KDM2B: variants seen among roughly 807,000 people sequenced by gnomAD.
The protein encoded by KDM2B is lysine-specific demethylase 2B.
KDM2B carries 26 observed loss-of-function variants against 150.0 expected under a neutral mutation model. The ratio of observed to expected loss-of-function variants is 0.17; its 90% CI spans 0.13 to 0.24. The LOEUF is 0.24. Among genes scored for constraint, KDM2B ranks in the 10% least tolerant of loss-of-function variants. The pLI, the probability that KDM2B is intolerant of heterozygous loss-of-function variation, is 1.00. For synonymous variants in KDM2B, 734 were observed against 729.5 expected (o/e 1.01, Z -0.10); for missense variants, 1,265 against 1,816.9 (o/e 0.70, Z 5.52).
chr12:121,526,337 A>G (rs1350203468), intron 8 of KDM2B, among the ~76,000 whole-genome samples: 2 of 152,044 alleles, frequency 1.3e-5, no homozygotes, highest in African/African-American at 2.4e-5. Flanking sequence ...TGGGTGACAG[A>G]GCAAGACTCT....
intron 11 of KDM2B, among the ~76,000 whole-genome samples, chr12:121,508,976 GC>G (rs1407534883): frequency 6.6e-6 from 1 of 152,192 alleles, no homozygotes; most frequent in Non-Finnish European, 1.5e-5. Context: ...TGTCACACCT[GC>G]TGGTGGGGAC....
Position 121,549,787 on chromosome 12 carries a change from C to G in KDM2B, c.398-149G>C. The G allele has an allele frequency of 1.5e-6, 1 of 674,686 alleles. No individual in the cohort carries two copies. Among genetic ancestry groups the G allele is most frequent in the Non-Finnish European group, 2.3e-6 (1 of 429,718 alleles). 41.8% of individuals were successfully genotyped at this position (674,686 alleles called of 1,614,324 possible). On this transcript the variant is annotated intron_variant, in intron 4 of 22. Coordinates refer to ENST00000377071, the MANE Select transcript of KDM2B (RefSeq NM_032590.5). The surrounding 1 kb of genome is among the most constrained non-coding windows in gnomAD (Gnocchi z 4.4). The stretch of plus-strand genomic sequence containing the variant: ...CATCTGTTCAATTACCTCACCCCAT[C>G]GGCTTTCCTTCTGGGATCTGTCTCC...
In KDM2B at chr12:121,443,719, G is replaced by A. The variant is rs782713069; in HGVS notation, c.2526C>T (p.Ser842=). ...AAGTGAGACTGGATCTCCACCAGGG[G>A]CTGAGGCTGCTGCCTAGAGGGGGCC... is the stretch of plus-strand genomic sequence containing the variant. The part of the protein sequence containing the change: ...SPRPPLGSSL[S]PWWRSSLTYF... The change falls in exon 17 of 23, where the codon AGC becomes AGT. Residue 842 remains serine, a synonymous_variant. Coordinates refer to ENST00000377071, the MANE Select transcript of KDM2B (RefSeq NM_032590.5). 3 of 1,611,812 alleles carry A rather than the reference G, an allele frequency of 1.9e-6. No homozygotes were observed. Among genetic ancestry groups the A allele is most frequent in the Admixed American group, 3.3e-5 (2 of 60,022 alleles).
intron 6 of KDM2B, chr12:121,534,796 G>A: frequency 1.9e-6 from 1 of 539,720 alleles, no homozygotes; most frequent in East Asian, 3.2e-5. Context: ...CTCAAGCACT[G>A]GTCGCCTACC....
At chr12:121,546,266 C>T (rs565619077) in intron 6 of KDM2B, among the ~76,000 whole-genome samples, 1 of 151,962 alleles carries the variant, frequency 6.6e-6, no homozygotes, top group African/African-American at 2.4e-5. Context: ...GAACCATCAT[C>T]TCAATCAATC....
At position 121,516,628 on chromosome 12, in the gene KDM2B, C is replaced by T. The variant is rs372462372; in HGVS notation, c.1048-3226G>A. 5.7e-6 allele frequency: 5 copies of T among 870,522 alleles called. No homozygotes were observed. The African/African-American group carries it at 8.5e-5, about 15-fold the overall frequency. The allele number at this position is 870,522 out of a possible 1,614,324, so 53.9% of individuals were successfully genotyped here. On this transcript the variant is annotated intron_variant, in intron 9 of 22. Transcript: ENST00000377071. ...TCCAAAACAAAAGGCAAGGCAGTCACAAGGCATGCAATGCTCCCAGCCTGC... is the reference window on the plus strand; with the variant it reads ...TCCAAAACAAAAGGCAAGGCAGTCATAAGGCATGCAATGCTCCCAGCCTGC...
intron 4 of KDM2B, among the ~76,000 whole-genome samples, chr12:121,554,517 T>C (rs1440063541): frequency 1.3e-5 from 2 of 151,982 alleles, no homozygotes; most frequent in Non-Finnish European, 2.9e-5. Flanking sequence ...TTCAAGCGAT[T>C]CTCCTGCCTC....
chr12:121,442,816 G>C lies in KDM2B; in HGVS notation c.2625C>G (p.Ala875=). 2.6e-6 allele frequency: 4 copies of C among 1,524,444 alleles called. No individual in the cohort carries two copies. The highest frequency in any genetic ancestry group is 3.5e-6 in the Non-Finnish European group (4 of 1,141,796). The allele number at this position is 1,524,444 out of a possible 1,614,324, so 94.4% of individuals were successfully genotyped here. ...FRKKRRSWKN[A]EDRMALANKP... Reference sequence around the variant, plus strand: ...TGTTGGCCAGCGCCATGCGGTCCTCGGCGTTCTTCCAGGACCGCCGCTGAG... The same window carrying C: ...TGTTGGCCAGCGCCATGCGGTCCTCCGCGTTCTTCCAGGACCGCCGCTGAG... The change falls in exon 19 of 23, where the codon GCC becomes GCG. Residue 875 remains alanine, a synonymous_variant. Transcript: ENST00000377071. The surrounding 1 kb of genome is among the most constrained non-coding windows in gnomAD (Gnocchi z 7.7).
At chr12:121,522,626 T>C (rs1284266570) in intron 8 of KDM2B, among the ~76,000 whole-genome samples, 1 of 151,850 alleles carries the variant, frequency 6.6e-6, no homozygotes, top group Non-Finnish European at 1.5e-5. Flanking sequence ...GGCGGGAGGA[T>C]CACCTGAAGT....
chr12:121,420,490 G>T, the KDM2B span: 3 of 1,575,602 alleles, frequency 1.9e-6, no homozygotes, highest in South Asian at 2.2e-5. Flanking sequence ...GAGATGGCTG[G>T]GAGAATATTC....
rs1464441700 is a variant in KDM2B, at chr12:121,467,465, C to A, written c.1735-14121G>T. 1 of 600,640 alleles carries A rather than the reference C, an allele frequency of 1.7e-6. No homozygotes were observed. Among genetic ancestry groups the A allele is most frequent in the African/African-American group, 2.0e-5 (1 of 49,288 alleles). The allele number at this position is 600,640 out of a possible 1,614,324, so 37.2% of individuals were successfully genotyped here. On this transcript the variant is annotated intron_variant, in intron 12 of 22. Transcript: ENST00000377071. The surrounding 1 kb of genome is among the most constrained non-coding windows in gnomAD (Gnocchi z 5.1). The stretch of plus-strand genomic sequence containing the variant: ...GCCAGGAAGGGGCTGGCCCCCCGGG[C>A]GGGCGGGCCAATGGCGCGGCCGCGG...
chr12:121,422,664 T>G, the KDM2B span, among the ~76,000 whole-genome samples: 16 of 152,250 alleles, frequency 1.1e-4, no homozygotes, highest in Admixed American at 9.2e-4. Flanking sequence ...TGATCTCCTC[T>G]GACCTGTAGA....
downstream of KDM2B, among the ~76,000 whole-genome samples, chr12:121,425,289 C>T (rs1186098775): frequency 1.4e-5 from 2 of 144,256 alleles, no homozygotes; most frequent in Non-Finnish European, 3.0e-5. Context: ...GGCTGGGCGA[C>T]GAGCGAAACT....
At position 121,440,808 on chromosome 12, in the gene KDM2B, C is replaced by A; in HGVS notation, c.3610+8G>T. 1.9e-6 allele frequency: 3 copies of A among 1,600,096 alleles called. No homozygotes were observed. Among genetic ancestry groups the A allele is most frequent in the Non-Finnish European group, 2.6e-6 (3 of 1,172,890 alleles). ...ACCCCCACAGAAACCCCCAGCCTGGCAACTCACCTGGCCTGTTGTCTGTGG... is the reference window on the plus strand; with the variant it reads ...ACCCCCACAGAAACCCCCAGCCTGGAAACTCACCTGGCCTGTTGTCTGTGG... On this transcript the variant is annotated splice_region_variant and intron_variant, in intron 21 of 22. Coordinates refer to ENST00000377071, the MANE Select transcript of KDM2B (RefSeq NM_032590.5).
At chr12:121,500,186 G>T (rs1884399369) in intron 11 of KDM2B, among the ~76,000 whole-genome samples, 1 of 152,088 alleles carries the variant, frequency 6.6e-6, no homozygotes. Context: ...AGGTTGTGCT[G>T]GAGGGAATCA....
chr12:121,423,394 C>T, the KDM2B span: 17 of 1,603,390 alleles, frequency 1.1e-5, no homozygotes, highest in Admixed American at 5.1e-5. The surrounding 1 kb of genome is among the most constrained non-coding windows in gnomAD (Gnocchi z 4.3). Context: ...AGATGGCGAG[C>T]GGCTGCAGCT....
intron 4 of KDM2B, among the ~76,000 whole-genome samples, chr12:121,561,075 C>T (rs1566420539): frequency 6.7e-6 from 1 of 148,262 alleles, no homozygotes; most frequent in South Asian, 2.3e-4. Flanking sequence ...CATCGGTGTT[C>T]TGGCTCCCGG....
At chr12:121,504,539 A>G (rs1056005824) in intron 11 of KDM2B, among the ~76,000 whole-genome samples, 1 of 152,174 alleles carries the variant, frequency 6.6e-6, no homozygotes, top group Non-Finnish European at 1.5e-5. Context: ...CCATCTCAAA[A>G]AAAAACCAAA....
chr12:121,552,889 C>T (rs935734409), intron 4 of KDM2B, among the ~76,000 whole-genome samples: 33 of 151,982 alleles, frequency 2.2e-4, no homozygotes, highest in African/African-American at 7.7e-4. Context: ...AATACGTGGG[C>T]GCCACTCAGA....
Sources: allele counts gnomAD v4.1 joint callset (sites outside exome capture counted in the v4.1 genomes callset), GRCh38; gene constraint gnomAD v4.1.1; non-coding constraint Gnocchi (gnomAD v3.1); transcripts MANE v1.5; gene names NCBI Gene and HGNC (gene_info 2026-07-23, HGNC 2026-07-21).